Variants in GAS2 observed in about 807,000 individuals in gnomAD.
The protein encoded by GAS2 is growth arrest-specific protein 2.
Under a neutral mutation model 37.5 loss-of-function variants are expected in GAS2, and 20 were observed. The ratio of observed to expected loss-of-function variants is 0.53; its 90% CI spans 0.37 to 0.77. GAS2 has a LOEUF of 0.77. Among genes scored for constraint, GAS2 ranks in the 30% least tolerant of loss-of-function variants. GAS2 has a pLI of 0.00. For synonymous variants in GAS2, 144 were observed against 132.2 expected (o/e 1.09, Z -0.61); for missense variants, 336 against 373.4 (o/e 0.90, Z 0.82).
At chr11:22,764,995 A>C (rs1025543587) in intron 7 of GAS2, among the ~76,000 whole-genome samples, 4 of 152,184 alleles carry the variant, frequency 2.6e-5, no homozygotes, top group Non-Finnish European at 4.4e-5. Flanking sequence ...TCTAGAATCA[A>C]TGTACAATTG....
chr11:22,716,547 C>T (rs749800256), intron 3 of GAS2, among the ~76,000 whole-genome samples: 2 of 150,986 alleles, frequency 1.3e-5, no homozygotes, highest in South Asian at 2.1e-4. Flanking sequence ...GGCTGATGCA[C>T]GAGACTAGCT....
rs73471775 is a variant in GAS2 at position 22,636,335 on chromosome 11, C to G, written c.-21+10522C>G. Among the ~76,000 whole-genome samples, 639 of 152,238 alleles carry G rather than the reference C, an allele frequency of 4.2e-3. 3 individuals carry two copies. The highest frequency in any genetic ancestry group is 0.014 in the African/African-American group (602 of 41,532). On this transcript the variant is annotated intron_variant, in intron 1 of 5. Coordinates refer to the GAS2 transcript ENST00000528582. ...CAAACAACTAAGGATCAGGAAAAGA[C>G]GCTTTCACAAACAACCTACCTCACG...
chr11:22,776,578 T>C (rs968181601), intron 7 of GAS2, among the ~76,000 whole-genome samples: 1 of 152,206 alleles, frequency 6.6e-6, no homozygotes, highest in Non-Finnish European at 1.5e-5. Context: ...GTCAATATCA[T>C]CTATTTATCA....
chr11:22,642,496 T>A (rs1467052752), intron 1 of GAS2, among the ~76,000 whole-genome samples: 1 of 152,112 alleles, frequency 6.6e-6, no homozygotes, highest in East Asian at 1.9e-4. Context: ...TCTTATAAAC[T>A]TGTTTTTTCA....
chr11:22,646,006 G>T (rs1848686790), intron 1 of GAS2, among the ~76,000 whole-genome samples: 1 of 151,650 alleles, frequency 6.6e-6, no homozygotes, highest in Non-Finnish European at 1.5e-5. Flanking sequence ...ACCACTCCCG[G>T]CTAATTTTGT....
rs137882167 is a variant in GAS2, at chr11:22,694,530, A to G, written c.267+8741A>G. On this transcript the variant is annotated intron_variant, in intron 3 of 7. Transcript: ENST00000454584. ...TGGGTCCCACTGAGTGACATAGTGA[A>G]AAGTATGCTTATGTGAGGAATTAAT... 3.4e-4 allele frequency among the ~76,000 whole-genome samples: 52 copies of G among 152,320 alleles called. No homozygotes were observed. The East Asian group carries it at 7.5e-3, about 22-fold the overall frequency.
intron 7 of GAS2, among the ~76,000 whole-genome samples, chr11:22,783,058 C>T (rs1374739202): frequency 6.6e-6 from 1 of 152,096 alleles, no homozygotes; most frequent in Non-Finnish European, 1.5e-5. Context: ...ATTTACATAC[C>T]TCACCAACAG....
intron 7 of GAS2, among the ~76,000 whole-genome samples, chr11:22,805,904 G>A (rs1856859971): frequency 1.3e-5 from 2 of 152,080 alleles, no homozygotes; most frequent in Non-Finnish European, 2.9e-5. Context: ...TGGTGGGAGT[G>A]TCCAGTGAGG....
intron 5 of GAS2, among the ~76,000 whole-genome samples, chr11:22,738,587 G>C (rs1192350262): frequency 6.6e-6 from 1 of 152,134 alleles, no homozygotes; most frequent in Non-Finnish European, 1.5e-5. Flanking sequence ...TATACTTTTA[G>C]GGTTGAGATC....
At chr11:22,792,665 G>A (rs529194009) in intron 7 of GAS2, among the ~76,000 whole-genome samples, 24 of 152,278 alleles carry the variant, frequency 1.6e-4, no homozygotes, top group African/African-American at 4.1e-4. Context: ...TATAAACAGC[G>A]TTTGTGTCAT....
chr11:22,783,837 G>A (rs1420218255), intron 7 of GAS2, among the ~76,000 whole-genome samples: 1 of 152,144 alleles, frequency 6.6e-6, no homozygotes, highest in African/African-American at 2.4e-5. Flanking sequence ...TGTAAGGAAG[G>A]AGTCCAGTTT....
chr11:22,727,777 A>G (rs1852285474), intron 4 of GAS2, among the ~76,000 whole-genome samples: 1 of 152,024 alleles, frequency 6.6e-6, no homozygotes, highest in Non-Finnish European at 1.5e-5. Context: ...TACATAGATA[A>G]TACCTGTTTT....
At position 22,721,146 on chromosome 11, in the gene GAS2, T is replaced by C. The variant is rs547666986; in HGVS notation, c.268-5146T>C. Reference sequence around the variant, plus strand: ...TTTGAGAATTAAATGGGACAATCCATATGAAAGTGAACGTTGTGTACCTAG... The same window carrying C: ...TTTGAGAATTAAATGGGACAATCCACATGAAAGTGAACGTTGTGTACCTAG... On this transcript the variant is annotated intron_variant, in intron 3 of 7. Transcript: ENST00000454584. Among the ~76,000 whole-genome samples, 7 of 152,062 alleles carry C rather than the reference T, an allele frequency of 4.6e-5. No homozygotes were observed. In the East Asian group the frequency reaches 1.4e-3, roughly 29 times the overall value.
At chr11:22,767,528 A>G (rs1372121202) in intron 7 of GAS2, among the ~76,000 whole-genome samples, 5 of 151,224 alleles carry the variant, frequency 3.3e-5, no homozygotes, top group African/African-American at 2.4e-5. Context: ...CTTTGTTTAT[A>G]TGTTCTATAC....
intron 5 of GAS2, among the ~76,000 whole-genome samples, chr11:22,738,556 G>A (rs1852878697): frequency 6.6e-6 from 1 of 152,108 alleles, no homozygotes; most frequent in African/African-American, 2.4e-5. Flanking sequence ...ATTAGAAAAT[G>A]GTTTCTTATC....
At chr11:22,667,863 C>T (rs1158057841) in intron 1 of GAS2, among the ~76,000 whole-genome samples, 1 of 152,122 alleles carries the variant, frequency 6.6e-6, no homozygotes, top group Non-Finnish European at 1.5e-5. Flanking sequence ...CATCTTCATC[C>T]TCTCACCTCC....
At chr11:22,657,376 T>A (rs1848867951) in intron 1 of GAS2, among the ~76,000 whole-genome samples, 1 of 152,190 alleles carries the variant, frequency 6.6e-6, no homozygotes, top group Non-Finnish European at 1.5e-5. Context: ...CTAATTTGAA[T>A]AATTCTGAAG....
intron 1 of GAS2, among the ~76,000 whole-genome samples, chr11:22,669,922 A>G (rs148450537): frequency 6.6e-6 from 1 of 152,116 alleles, no homozygotes; most frequent in African/African-American, 2.4e-5. Context: ...TATCCATGAC[A>G]TTGGTTGAAA....
chr11:22,637,916 C>T (rs2133813807), intron 1 of GAS2, among the ~76,000 whole-genome samples: 1 of 151,494 alleles, frequency 6.6e-6, no homozygotes, highest in Admixed American at 6.6e-5. Flanking sequence ...TAAGACAGAC[C>T]TTAAACAAAA....
Sources: allele counts gnomAD v4.1 joint callset (sites outside exome capture counted in the v4.1 genomes callset), GRCh38; gene constraint gnomAD v4.1.1; transcripts MANE v1.5; gene names NCBI Gene and HGNC (gene_info 2026-07-23, HGNC 2026-07-21).